Variants in FBXL17 observed in about 807,000 individuals in gnomAD.
FBXL17 encodes the protein F-box/LRR-repeat protein 17.
A neutral mutation model predicts 66.2 loss-of-function variants in FBXL17; 22 were observed. The ratio of observed to expected loss-of-function variants is 0.33; its 90% CI spans 0.24 to 0.47. The LOEUF is 0.47. Ranked by LOEUF, FBXL17 falls within the 20% of genes least tolerant of loss-of-function variation. The probability of loss-of-function intolerance (pLI) is 1.00; values close to 1 mark genes in which losing one functional copy is unlikely to be tolerated. For synonymous variants in FBXL17, 474 were observed against 400.5 expected (o/e 1.18, Z -2.19); for missense variants, 878 against 948.2 (o/e 0.93, Z 0.97).
intron 4 of FBXL17, among the ~76,000 whole-genome samples, chr5:108,333,634 G>C (rs191561229): frequency 6.6e-6 from 1 of 151,864 alleles, no homozygotes; most frequent in African/African-American, 2.4e-5. Flanking sequence ...TTTAGAAACT[G>C]TCAATTCTCA....
intron 5 of FBXL17, among the ~76,000 whole-genome samples, chr5:108,193,627 G>A (rs1404838493): frequency 6.6e-6 from 1 of 152,098 alleles, no homozygotes; most frequent in Non-Finnish European, 1.5e-5. Context: ...ATCTAAATAA[G>A]CCACATTCAT....
At chr5:108,332,783 T>C (rs1043246228) in intron 4 of FBXL17, among the ~76,000 whole-genome samples, 3 of 151,882 alleles carry the variant, frequency 2.0e-5, no homozygotes, top group African/African-American at 4.8e-5. Context: ...AATTCTTGTA[T>C]TTTTAGTAGA....
intron 6 of FBXL17, among the ~76,000 whole-genome samples, chr5:108,134,361 A>T (rs1751050858): frequency 6.6e-6 from 1 of 152,188 alleles, no homozygotes; most frequent in African/African-American, 2.4e-5. Context: ...ATAATTCCCT[A>T]TTCACTTTGT....
chr5:107,955,649 C>T (rs183928615), intron 7 of FBXL17, among the ~76,000 whole-genome samples: 20 of 152,250 alleles, frequency 1.3e-4, no homozygotes, highest in Non-Finnish European at 8.8e-5. Context: ...AATGCACTGG[C>T]TTATGGAAAA....
intron 4 of FBXL17, among the ~76,000 whole-genome samples, chr5:108,243,599 A>G (rs143023882): frequency 9.7e-4 from 147 of 152,264 alleles, no homozygotes; most frequent in African/African-American, 3.5e-3. Flanking sequence ...AAAACAATTA[A>G]TCATTTGGTT....
chr5:108,162,107 T>C (rs1198276639), intron 6 of FBXL17, among the ~76,000 whole-genome samples: 2 of 152,248 alleles, frequency 1.3e-5, no homozygotes, highest in Non-Finnish European at 2.9e-5. Flanking sequence ...ATTAATTCTG[T>C]GGCAAATTCA....
chr5:107,941,583 T>C (rs1308326240), intron 7 of FBXL17, among the ~76,000 whole-genome samples: 2 of 152,178 alleles, frequency 1.3e-5, no homozygotes, highest in Non-Finnish European at 1.5e-5. Context: ...ACTTTAGTGC[T>C]TGGGAACGTT....
intron 4 of FBXL17, among the ~76,000 whole-genome samples, chr5:108,305,489 A>G (rs1028621678): frequency 1.3e-5 from 2 of 151,108 alleles, no homozygotes; most frequent in African/African-American, 2.4e-5. Context: ...TTGAAGGGGG[A>G]AAAAAAAAGA....
chr5:108,038,815 C>T (rs185173086), intron 6 of FBXL17, among the ~76,000 whole-genome samples: 19 of 152,134 alleles, frequency 1.2e-4, no homozygotes, highest in African/African-American at 4.1e-4. Flanking sequence ...TAAAAGGTTT[C>T]TACACTTAAA....
intron 4 of FBXL17, among the ~76,000 whole-genome samples, chr5:108,312,205 C>T (rs1163747720): frequency 6.6e-6 from 1 of 152,036 alleles, no homozygotes; most frequent in African/African-American, 2.4e-5. Context: ...ATAAAACATT[C>T]CTAGAAAGAA....
chr5:108,172,632 A>C (rs1386155040), intron 6 of FBXL17, among the ~76,000 whole-genome samples: 1 of 152,210 alleles, frequency 6.6e-6, no homozygotes, highest in Admixed American at 6.5e-5. Context: ...TCAGTCACAG[A>C]TTTCAACAGA....
chr5:108,285,021 A>G (rs1053019959), intron 4 of FBXL17, among the ~76,000 whole-genome samples: 2 of 151,900 alleles, frequency 1.3e-5, no homozygotes, highest in Non-Finnish European at 2.9e-5. Flanking sequence ...TATGAACTCA[A>G]TTTACATAAT....
At chr5:108,298,452 T>C (rs971898304) in intron 4 of FBXL17, 7 of 971,562 alleles carry the variant, frequency 7.2e-6, no homozygotes, top group Non-Finnish European at 8.6e-6. Context: ...AAAACTTCAG[T>C]AGGCTTTAAA....
chr5:108,193,816 T>C (rs1753568141), intron 5 of FBXL17, among the ~76,000 whole-genome samples: 1 of 152,150 alleles, frequency 6.6e-6, no homozygotes, highest in South Asian at 2.1e-4. Flanking sequence ...ATGTATTCTC[T>C]TTCACCCACT....
chr5:108,138,330 T>C (rs1192214203), intron 6 of FBXL17, among the ~76,000 whole-genome samples: 1 of 152,220 alleles, frequency 6.6e-6, no homozygotes, highest in African/African-American at 2.4e-5. Context: ...CACTCTAAAT[T>C]TGCATTATCC....
chr5:108,124,643 A>G (rs559334608), intron 6 of FBXL17, among the ~76,000 whole-genome samples: 7 of 152,170 alleles, frequency 4.6e-5, no homozygotes, highest in African/African-American at 1.4e-4. Flanking sequence ...GTAAGCAAAT[A>G]CCTGTACATT....
At chr5:107,914,195 T>C (rs368496805) in intron 7 of FBXL17, among the ~76,000 whole-genome samples, 2 of 152,274 alleles carry the variant, frequency 1.3e-5, no homozygotes, top group African/African-American at 4.8e-5. Flanking sequence ...TCAGAGAGTA[T>C]AGTCAATTTA....
At chr5:108,012,005 C>T (rs1754195724) in intron 7 of FBXL17, among the ~76,000 whole-genome samples, 2 of 152,162 alleles carry the variant, frequency 1.3e-5, no homozygotes, top group South Asian at 4.1e-4. Context: ...GAAAGTATCT[C>T]ATTGAATGTT....
chr5:108,271,774 A>G (rs910125857), intron 4 of FBXL17, among the ~76,000 whole-genome samples: 3 of 152,200 alleles, frequency 2.0e-5, no homozygotes, highest in African/African-American at 7.2e-5. Flanking sequence ...CCAAGTATTT[A>G]GTGATAGAAC....
Sources: allele counts gnomAD v4.1 joint callset (sites outside exome capture counted in the v4.1 genomes callset), GRCh38; gene constraint gnomAD v4.1.1; transcripts MANE v1.5; gene names NCBI Gene and HGNC (gene_info 2026-07-23, HGNC 2026-07-21).